Variants in PLCG2 observed in about 807,000 individuals in gnomAD.
PLCG2 encodes phospholipase C gamma 2.
In PLCG2, 69 loss-of-function variants were observed where a neutral mutation model predicts 175.6. The observed-to-expected ratio is 0.39, with a 90% CI of 0.32 to 0.48. The LOEUF (loss-of-function observed/expected upper bound fraction) is 0.48, where lower values mean the gene tolerates loss of function less well. Among genes scored for constraint, PLCG2 ranks in the 20% least tolerant of loss-of-function variants. The pLI is 0.91. For synonymous variants in PLCG2, 827 were observed against 624.0 expected (o/e 1.33, Z -4.85); for missense variants, 1,798 against 1,650.9 (o/e 1.09, Z -1.54).
chr16:81,932,248 G>A (rs934197713), intron 25 of PLCG2, among the ~76,000 whole-genome samples: 10 of 106,650 alleles, frequency 9.4e-5, no homozygotes, highest in African/African-American at 2.5e-4. Context: ...ACTGGAGTTT[G>A]CATCCTGGCA....
chr16:81,948,265 C>T (rs1040046234), intron 31 of PLCG2, among the ~76,000 whole-genome samples: 1 of 152,180 alleles, frequency 6.6e-6, no homozygotes, highest in Non-Finnish European at 1.5e-5. Flanking sequence ...TCCCATCTTG[C>T]CATTAACTGG....
chr16:81,934,614 G>A, intron 26 of PLCG2, 83 bp downstream of exon 26: 1 of 845,650 alleles, frequency 1.2e-6, no homozygotes, highest in South Asian at 1.5e-5. Context: ...AGAGGGGGCA[G>A]AGAGTGCATT....
intron 31 of PLCG2, among the ~76,000 whole-genome samples, chr16:81,956,298 G>A (rs1484889406): frequency 6.6e-6 from 1 of 152,126 alleles, no homozygotes; most frequent in Non-Finnish European, 1.5e-5. Context: ...CTCATGTCAT[G>A]CTGTTTTTTT....
intron 18 of PLCG2, 57 bp from the exon 19 acceptor site, chr16:81,912,540 C>G: frequency 3.1e-6 from 5 of 1,596,358 alleles, no homozygotes; most frequent in Non-Finnish European, 4.3e-6. Context: ...CTGCGGGTGG[C>G]CCACTGACAG....
upstream of PLCG2, among the ~76,000 whole-genome samples, chr16:81,778,969 G>A (rs906869702): frequency 6.6e-6 from 1 of 152,240 alleles, no homozygotes; most frequent in East Asian, 1.9e-4. Flanking sequence ...CCGGGAGTGT[G>A]TTAAGTATAC....
chr16:81,936,451 G>C (rs1597143788), intron 27 of PLCG2, 73 bp downstream of exon 27: 1 of 1,176,718 alleles, frequency 8.5e-7, no homozygotes, highest in Non-Finnish European at 1.3e-6. Context: ...AGTCACCTTG[G>C]GTCAGCGATA....
intron 9 of PLCG2, among the ~76,000 whole-genome samples, chr16:81,886,964 C>A (rs1232983430): frequency 6.6e-6 from 1 of 152,104 alleles, no homozygotes. Flanking sequence ...ACATTTCAGT[C>A]TTCTTTAGGT....
At chr16:81,833,908 C>T (rs927324163) in intron 2 of PLCG2, among the ~76,000 whole-genome samples, 20 of 152,316 alleles carry the variant, frequency 1.3e-4, no homozygotes, top group African/African-American at 4.1e-4. Flanking sequence ...CTTCTGGCAT[C>T]TCTCTGTCTG....
chr16:81,822,278 C>T (rs991634944), intron 2 of PLCG2, among the ~76,000 whole-genome samples: 3 of 152,090 alleles, frequency 2.0e-5, no homozygotes, highest in Admixed American at 6.5e-5. Context: ...GTTGAAGGGT[C>T]GGCATAGGTG....
intron 19 of PLCG2, 127 bp downstream of exon 19, chr16:81,912,843 C>G: frequency 8.5e-7 from 1 of 1,174,410 alleles, no homozygotes; most frequent in Non-Finnish European, 1.2e-6. Context: ...TCAGCGACAA[C>G]AACAACCACC....
chr16:81,864,084 C>G (rs775194000), intron 5 of PLCG2, among the ~76,000 whole-genome samples: 3 of 152,146 alleles, frequency 2.0e-5, no homozygotes, highest in African/African-American at 7.2e-5. Context: ...AAAATTAGGG[C>G]TGTCTAGAGG....
chr16:81,828,390 A>G (rs1323908125), intron 2 of PLCG2, among the ~76,000 whole-genome samples: 4 of 151,436 alleles, frequency 2.6e-5, no homozygotes, highest in Non-Finnish European at 5.9e-5. Flanking sequence ...GGTGCCTGCC[A>G]CCACGCCCGG....
At chr16:81,856,114 A>C (rs1346933953) in intron 3 of PLCG2, among the ~76,000 whole-genome samples, 7 of 152,180 alleles carry the variant, frequency 4.6e-5, no homozygotes, top group Admixed American at 4.6e-4. Flanking sequence ...GTGATGGTCA[A>C]GATTTTGATT....
intron 22 of PLCG2, among the ~76,000 whole-genome samples, chr16:81,926,453 C>G (rs1245001021): frequency 8.5e-5 from 13 of 152,188 alleles, no homozygotes; most frequent in Non-Finnish European, 7.4e-5. Context: ...CAGGAACATT[C>G]ATAGATGGAT....
intron 2 of PLCG2, among the ~76,000 whole-genome samples, chr16:81,788,141 G>C (rs773215149): frequency 6.6e-6 from 1 of 152,178 alleles, no homozygotes; most frequent in Non-Finnish European, 1.5e-5. Flanking sequence ...GGAACTGTCA[G>C]ACTGTTTTCT....
At chr16:81,910,065 G>A (rs2143656048) in intron 17 of PLCG2, among the ~76,000 whole-genome samples, 1 of 152,148 alleles carries the variant, frequency 6.6e-6, no homozygotes, top group East Asian at 1.9e-4. Flanking sequence ...TGAGGGTCTA[G>A]CCTATACTAA....
chr16:81,830,462 A>G (rs1905215161), intron 2 of PLCG2, among the ~76,000 whole-genome samples: 1 of 151,952 alleles, frequency 6.6e-6, no homozygotes, highest in African/African-American at 2.4e-5. Context: ...GCATGCCACC[A>G]CCACTGGCTA....
chr16:81,893,000 A>G (rs1908709556), intron 11 of PLCG2, among the ~76,000 whole-genome samples: 1 of 151,940 alleles, frequency 6.6e-6, no homozygotes, highest in Non-Finnish European at 1.5e-5. Flanking sequence ...ACGAGCCACC[A>G]TGCCCTGTTT....
intron 2 of PLCG2, among the ~76,000 whole-genome samples, chr16:81,829,043 C>A (rs529414275): frequency 2.0e-5 from 3 of 152,094 alleles, no homozygotes; most frequent in African/African-American, 4.8e-5. Context: ...CAAGGACTGC[C>A]CCCTCTGCCC....
Sources: gnomAD v4.1 joint callset for allele counts (sites outside exome capture counted in the v4.1 genomes callset) on GRCh38, gnomAD v4.1.1 for gene constraint, MANE v1.5 for transcripts, NCBI Gene and HGNC (gene_info 2026-07-23, HGNC 2026-07-21) for gene names.